LRP1B: variants seen among roughly 807,000 people sequenced by gnomAD.
LRP1B encodes the protein low-density lipoprotein receptor-related protein 1B.
A neutral mutation model predicts 556.6 loss-of-function variants in LRP1B; 217 were observed. That is an observed-to-expected ratio of 0.39 (90% CI 0.35 to 0.44). The LOEUF (loss-of-function observed/expected upper bound fraction) is 0.44, where lower values mean the gene tolerates loss of function less well. Ranked by LOEUF, LRP1B falls within the 20% of genes least tolerant of loss-of-function variation. LRP1B has a pLI of 1.00. For synonymous variants in LRP1B, 2,047 were observed against 1,865.8 expected, an observed-to-expected ratio of 1.10 and a Z score of -2.50; for missense variants, 5,053 against 5,620.8, an observed-to-expected ratio of 0.90 and a Z score of 3.23.
At chr2:141,616,856 A>G (rs555031546) in intron 2 of LRP1B, among the ~76,000 whole-genome samples, 1 of 152,278 alleles carries the variant, frequency 6.6e-6, no homozygotes, top group South Asian at 2.1e-4. Flanking sequence ...ACTTATAAGT[A>G]CTGTTTTGTT....
At chr2:142,114,637 G>C (rs1037183273) in intron 1 of LRP1B, among the ~76,000 whole-genome samples, 1 of 152,012 alleles carries the variant, frequency 6.6e-6, no homozygotes, top group Non-Finnish European at 1.5e-5. Context: ...GAACTGGGGG[G>C]CATTAAACAA....
chr2:140,524,127 A>AG (rs1690314924), intron 49 of LRP1B, among the ~76,000 whole-genome samples: 11 of 73,724 alleles, frequency 1.5e-4, no homozygotes. Flanking sequence ...TCAATAAGAA[A>AG]TAAAAAAAAC....
At chr2:141,760,981 T>G (rs1273370243) in intron 2 of LRP1B, among the ~76,000 whole-genome samples, 1 of 152,212 alleles carries the variant, frequency 6.6e-6, no homozygotes, top group Admixed American at 6.5e-5. Context: ...GCACATTTTC[T>G]GTTTAGCACC....
intron 49 of LRP1B, among the ~76,000 whole-genome samples, chr2:140,517,709 C>CTTTTTTTTTTT (rs372100986): frequency 2.4e-5 from 3 of 125,414 alleles, no homozygotes; most frequent in Non-Finnish European, 4.7e-5. Flanking sequence ...TTTATCTTTC[C>CTTTTTTTTTTT]TTTTTTTTTT....
chr2:140,561,668 C>T (rs1680935250), intron 43 of LRP1B, among the ~76,000 whole-genome samples: 1 of 151,710 alleles, frequency 6.6e-6, no homozygotes, highest in African/African-American at 2.4e-5. Flanking sequence ...AATATAAACT[C>T]ATATAAGTAA....
intron 32 of LRP1B, among the ~76,000 whole-genome samples, chr2:140,809,491 C>CTAGACTCAGA (rs1461422502): frequency 6.6e-6 from 1 of 152,114 alleles, no homozygotes; most frequent in Admixed American, 6.5e-5. Flanking sequence ...GACTCAGATC[C>CTAGACTCAGA]TACTTAACAT....
chr2:140,839,983 A>G lies in LRP1B; in HGVS notation c.5209+8T>C. ...GAAAACTTGGTGACTATTAAAAAAA[A>G]TACTTACCAACTGGCTCCTTCTGAT... is the stretch of plus-strand genomic sequence containing the variant. On this transcript the variant is annotated splice_region_variant and intron_variant, in intron 31 of 90. Coordinates refer to ENST00000389484, the MANE Select transcript of LRP1B (RefSeq NM_018557.3). 6.3e-7 allele frequency: 1 copy of G among 1,590,430 alleles called. No individual in the cohort carries two copies.
intron 6 of LRP1B, among the ~76,000 whole-genome samples, chr2:141,215,139 C>T (rs114939950): frequency 1.5e-4 from 23 of 152,184 alleles, no homozygotes; most frequent in African/African-American, 5.5e-4. Flanking sequence ...AGTGAGTTCC[C>T]TTGAGATCTG....
intron 35 of LRP1B, among the ~76,000 whole-genome samples, chr2:140,733,308 A>G (rs288116): frequency 0.97 from 147,737 of 152,208 alleles, 71,802 homozygotes; most frequent in Middle Eastern, 1. Context: ...TTCTATTCCC[A>G]TTGCTTGTTG....
chr2:140,886,017 G>A, intron 24 of LRP1B, 121 bp downstream of exon 24: 1 of 604,364 alleles, frequency 1.7e-6, no homozygotes, highest in Non-Finnish European at 2.9e-6. Flanking sequence ...ACATATATGA[G>A]GGAGGGGATA....
intron 4 of LRP1B, among the ~76,000 whole-genome samples, chr2:141,251,636 G>A (rs1429245005): frequency 6.6e-6 from 1 of 151,972 alleles, no homozygotes; most frequent in Non-Finnish European, 1.5e-5. Context: ...CAAAAGTTTG[G>A]GTGAGTGGGA....
chr2:141,565,432 A>G (rs1686297950), intron 2 of LRP1B, among the ~76,000 whole-genome samples: 1 of 152,216 alleles, frequency 6.6e-6, no homozygotes, highest in Non-Finnish European at 1.5e-5. Context: ...AAGATGATCA[A>G]TCAAGGCTTT....
chr2:140,293,399 T>TAAAA (rs2104991337), intron 84 of LRP1B, among the ~76,000 whole-genome samples: 1 of 152,346 alleles, frequency 6.6e-6, no homozygotes, highest in East Asian at 1.9e-4. Flanking sequence ...TAAAGAATAC[T>TAAAA]TGATTTTACT....
intron 45 of LRP1B, among the ~76,000 whole-genome samples, chr2:140,539,076 C>T (rs549671965): frequency 6.6e-6 from 1 of 152,234 alleles, no homozygotes; most frequent in African/African-American, 2.4e-5. Context: ...ATTATATTTA[C>T]TGTATCTATT....
chr2:141,894,319 A>C (rs1180632370), intron 1 of LRP1B, among the ~76,000 whole-genome samples: 1 of 151,960 alleles, frequency 6.6e-6, no homozygotes, highest in African/African-American at 2.4e-5. Context: ...TCTAAATCAT[A>C]AAAATTTTCC....
rs547345610 is a variant in LRP1B at position 141,121,458 on chromosome 2, GACAA to G, written c.1014-59189_1014-59186del. Among the ~76,000 whole-genome samples, 636 of 152,006 alleles carry G rather than the reference GACAA, an allele frequency of 4.2e-3. 2 individuals carry two copies. Among genetic ancestry groups the G allele is most frequent in the Non-Finnish European group, 4.7e-3 (317 of 67,950 alleles). ...GGGCCATTCTTATACACCAATAACA[GACAA>G]ACAGAGAGCCAAATCATGAGTGAAC... On this transcript the variant is annotated intron_variant, in intron 7 of 90. Coordinates refer to ENST00000389484, the MANE Select transcript of LRP1B (RefSeq NM_018557.3).
At position 140,867,391 on chromosome 2, in the gene LRP1B, A is replaced by G. The variant is rs1163799104; in HGVS notation, c.4579+199T>C. On this transcript the variant is annotated intron_variant, in intron 27 of 90. Transcript: ENST00000389484. ...GGAATTAAGATGCCCCTAAATATTT[A>G]TATGTAAATAAAATAAAAAGGGAAA... is the stretch of plus-strand genomic sequence containing the variant. 2.0e-5 allele frequency among the ~76,000 whole-genome samples: 3 copies of G among 152,126 alleles called. No individual in the cohort carries two copies. The East Asian group carries it at 5.8e-4, about 29-fold the overall frequency.
intron 25 of LRP1B, among the ~76,000 whole-genome samples, chr2:140,869,182 C>T (rs112138848): frequency 0.03 from 4,600 of 152,200 alleles, 109 homozygotes; most frequent in Middle Eastern, 0.062. Context: ...AGAAGGCTAC[C>T]CACTTTCAAA....
chr2:141,826,443 T>C (rs1470951387), intron 1 of LRP1B, among the ~76,000 whole-genome samples: 1 of 137,118 alleles, frequency 7.3e-6, no homozygotes, highest in African/African-American at 2.7e-5. Context: ...CACTGCAAGC[T>C]CCGCCTCCTG....
Sources: gnomAD v4.1 joint callset for allele counts (sites outside exome capture counted in the v4.1 genomes callset) on GRCh38, gnomAD v4.1.1 for gene constraint, MANE v1.5 for transcripts, NCBI Gene and HGNC (gene_info 2026-07-23, HGNC 2026-07-21) for gene names.